PARD3B: variants seen among roughly 807,000 people sequenced by gnomAD.
The protein encoded by PARD3B is partitioning defective 3 homolog B.
A neutral mutation model predicts 130.2 loss-of-function variants in PARD3B; 103 were observed. The ratio of observed to expected loss-of-function variants is 0.79; its 90% confidence interval spans 0.67 to 0.93. PARD3B has a LOEUF of 0.93. Among genes scored for constraint, PARD3B ranks in the 40% least tolerant of loss-of-function variants. PARD3B has a pLI of 0.00. For missense variants in PARD3B, 1,609 were observed against 1,499.2 expected, an observed-to-expected ratio of 1.07 and a Z score of -1.21; for synonymous variants, 583 against 553.2, an observed-to-expected ratio of 1.05 and a Z score of -0.76.
intron 18 of PARD3B, among the ~76,000 whole-genome samples, chr2:205,356,494 T>G (rs2044196900): frequency 6.6e-6 from 1 of 152,230 alleles, no homozygotes; most frequent in Admixed American, 6.5e-5. Flanking sequence ...CCTAAAAGTG[T>G]TGGGATTTTA....
At chr2:204,862,694 G>A (rs1435977516) in intron 2 of PARD3B, among the ~76,000 whole-genome samples, 1 of 152,258 alleles carries the variant, frequency 6.6e-6, no homozygotes, top group South Asian at 2.1e-4. Flanking sequence ...TGTCACCAGA[G>A]CCTCACTTTT....
chr2:205,075,845 A>G (rs1575712666), intron 4 of PARD3B, among the ~76,000 whole-genome samples: 1 of 152,076 alleles, frequency 6.6e-6, no homozygotes, highest in Admixed American at 6.6e-5. Context: ...GTAGGAATCA[A>G]ATTTTAAACA....
chr2:205,323,378 A>C (rs1273754881), intron 18 of PARD3B, among the ~76,000 whole-genome samples: 1 of 152,212 alleles, frequency 6.6e-6, no homozygotes, highest in Non-Finnish European at 1.5e-5. Context: ...TGGAGAATCC[A>C]CGTGCAGTTA....
chr2:205,415,423 C>T (rs2046741246), intron 19 of PARD3B, among the ~76,000 whole-genome samples: 1 of 152,100 alleles, frequency 6.6e-6, no homozygotes, highest in Admixed American at 6.6e-5. Flanking sequence ...GAAATGGGCA[C>T]TTAATTCTTG....
rs1393051173 is a variant in PARD3B at position 204,673,562 on chromosome 2, C to T, written c.121-12619C>T. On this transcript the variant is annotated intron_variant, in intron 1 of 22. Transcript: ENST00000406610. This position sits in a 1 kb window ranked among gnomAD's most constrained non-coding sequence, Gnocchi z 4.7. ...AATGAGACTTGCCCTGGGGCACAGC[C>T]ATTTGTTAGAAGACCTGGCTCCCCA... 6.6e-6 allele frequency among the ~76,000 whole-genome samples: 1 copy of T among 152,176 alleles called. No individual in the cohort carries two copies. The highest frequency in any genetic ancestry group is 2.4e-5 in the African/African-American group (1 of 41,460).
chr2:204,546,050 G>C lies in PARD3B; in HGVS notation c.51G>C (p.Lys17Asn). The C allele has an allele frequency of 2.6e-6, 4 of 1,566,516 alleles. No homozygotes were observed. The highest frequency in any genetic ancestry group is 3.5e-6 in the Non-Finnish European group (4 of 1,154,836). The change falls in exon 1 of 23, where the codon AAG (lysine) becomes AAC (asparagine). Residue 17 changes from lysine to asparagine, a missense_variant. Lys to Asn is a moderately conservative substitution (Grantham distance 94). Transcript: ENST00000406610. ...FGRTGIVVPC[K>N]EGQLRVGELT... The stretch of plus-strand genomic sequence containing the variant: ...GGACGGGCATCGTGGTGCCCTGCAA[G>C]GAGGGCCAGCTGCGCGTCGGCGAGC...
At chr2:204,794,647 A>C (rs1369728752) in intron 2 of PARD3B, among the ~76,000 whole-genome samples, 1 of 152,240 alleles carries the variant, frequency 6.6e-6, no homozygotes, top group Non-Finnish European at 1.5e-5. Context: ...ATAATCAGGT[A>C]GTGATGAGTT....
At chr2:205,119,933 T>C (rs1271317633) in intron 7 of PARD3B, among the ~76,000 whole-genome samples, 1 of 152,126 alleles carries the variant, frequency 6.6e-6, no homozygotes, top group East Asian at 1.9e-4. Context: ...GCAGTGGGAT[T>C]CTGGACCAAA....
At chr2:205,177,880 A>G (rs2035557759) in intron 13 of PARD3B, among the ~76,000 whole-genome samples, 1 of 152,172 alleles carries the variant, frequency 6.6e-6, no homozygotes, top group South Asian at 2.1e-4. Flanking sequence ...TGCATATTTG[A>G]TACATGCACA....
At chr2:205,357,436 C>T (rs950603464) in intron 18 of PARD3B, among the ~76,000 whole-genome samples, 16 of 152,048 alleles carry the variant, frequency 1.1e-4, no homozygotes, top group Non-Finnish European at 1.8e-4. Context: ...AAAGTCTATG[C>T]GTTAGGGAAG....
intron 22 of PARD3B, among the ~76,000 whole-genome samples, chr2:205,571,197 T>G (rs2053549598): frequency 6.6e-6 from 1 of 152,218 alleles, no homozygotes; most frequent in Non-Finnish European, 1.5e-5. Context: ...CGCTATATCT[T>G]TGTCTCATAA....
intron 15 of PARD3B, among the ~76,000 whole-genome samples, chr2:205,209,381 A>C (rs929939440): frequency 1.3e-4 from 20 of 152,132 alleles, no homozygotes; most frequent in African/African-American, 4.8e-4. Context: ...GGATCTAATT[A>C]ATCTGTGTTC....
chr2:204,927,243 G>T (rs1687688534), intron 2 of PARD3B, among the ~76,000 whole-genome samples: 1 of 152,048 alleles, frequency 6.6e-6, no homozygotes, highest in African/African-American at 2.4e-5. Flanking sequence ...AACTCCTAAG[G>T]TGTTAGTATT....
chr2:204,954,511 G>GAGGGA (rs1559295881), intron 2 of PARD3B, among the ~76,000 whole-genome samples: 1 of 152,222 alleles, frequency 6.6e-6, no homozygotes, highest in African/African-American at 2.4e-5. Context: ...TCCCTAACCA[G>GAGGGA]TCTGGTGAAA....
At chr2:205,031,112 A>G (rs1697388343) in intron 3 of PARD3B, among the ~76,000 whole-genome samples, 1 of 152,180 alleles carries the variant, frequency 6.6e-6, no homozygotes, top group Admixed American at 6.6e-5. Flanking sequence ...GACTAGAAAG[A>G]TACACATCAC....
intron 18 of PARD3B, among the ~76,000 whole-genome samples, chr2:205,335,704 T>A (rs1279146554): frequency 6.6e-6 from 1 of 151,848 alleles, no homozygotes; most frequent in Non-Finnish European, 1.5e-5. Flanking sequence ...CTCACAATCA[T>A]GGCAGAAGGC....
At chr2:204,957,411 A>G (rs1296885226) in intron 2 of PARD3B, among the ~76,000 whole-genome samples, 2 of 152,170 alleles carry the variant, frequency 1.3e-5, no homozygotes, top group Non-Finnish European at 2.9e-5. Flanking sequence ...TTTCTTCAGA[A>G]TAATGCTTAA....
rs1335751371 is a variant in PARD3B, at chr2:204,653,276, G to T, written c.121-32905G>T. Among the ~76,000 whole-genome samples the T allele has an allele frequency of 2.7e-5, 2 of 74,786 alleles. 1 individual carries two copies. Among genetic ancestry groups the T allele is most frequent in the African/African-American group, 8.3e-5 (2 of 23,968 alleles). The allele number at this position is 74,786 out of a possible 152,430, so 49.1% of individuals were successfully genotyped here. A position where few individuals can be genotyped will look rare whatever the true frequency, so the allele number is the denominator to read the frequency against. ...CTGTACCCCTGAACCTAAAATAAAA[G>T]TTAAAATTAAAAAAAAAAAAACCTA... On this transcript the variant is annotated intron_variant, in intron 1 of 22. Transcript: ENST00000406610.
chr2:204,784,745 A>C (rs2041949560), intron 2 of PARD3B, among the ~76,000 whole-genome samples: 1 of 152,198 alleles, frequency 6.6e-6, no homozygotes, highest in Non-Finnish European at 1.5e-5. Context: ...TACCTAGCCC[A>C]TTTATAAGTT....
Sources: gnomAD v4.1 joint callset for allele counts (sites outside exome capture counted in the v4.1 genomes callset) on GRCh38, gnomAD v4.1.1 for gene constraint, Gnocchi (gnomAD v3.1) non-coding constraint, MANE v1.5 for transcripts, NCBI Gene and HGNC (gene_info 2026-07-23, HGNC 2026-07-21) for gene names.